Variants in CFAP410 observed in about 807,000 individuals in gnomAD.
CFAP410 encodes the protein cilia- and flagella-associated protein 410.
In CFAP410, 27 loss-of-function variants were observed where a neutral mutation model predicts 25.7. The ratio of observed to expected loss-of-function variants is 1.05; its 90% CI spans 0.77 to 1.45. CFAP410 has a LOEUF of 1.45. Ranked by LOEUF, CFAP410 falls within the 40% of genes most tolerant of loss-of-function variation. The pLI is 0.00. For missense variants in CFAP410, 428 were observed against 354.1 expected (o/e 1.21, Z -1.67); for synonymous variants, 178 against 158.4 (o/e 1.12, Z -0.93).
chr21:44,330,489 G>T, intron 6 of CFAP410, 163 bp from the exon 7 acceptor site: 1 of 1,541,230 alleles, frequency 6.5e-7, no homozygotes. Flanking sequence ...TCTGAGCAGA[G>T]GAGCCCCGCC....
At chr21:44,336,185 C>G (rs544170863) in intron 2 of CFAP410, among the ~76,000 whole-genome samples, 8 of 152,270 alleles carry the variant, frequency 5.3e-5, no homozygotes, top group Non-Finnish European at 8.8e-5. Context: ...ATGCCAGGTT[C>G]TCCTCTGACA....
At chr21:44,337,457 G>C (rs1316965189) in intron 2 of CFAP410, among the ~76,000 whole-genome samples, 192 bp downstream of exon 2, 1 of 152,232 alleles carries the variant, frequency 6.6e-6, no homozygotes, top group Non-Finnish European at 1.5e-5. Flanking sequence ...CCTGGCACTA[G>C]AGAATTGTTT....
intron 1 of CFAP410, chr21:44,338,383 T>C (rs1227039473): frequency 8.9e-7 from 1 of 1,127,536 alleles, no homozygotes; most frequent in Non-Finnish European, 1.2e-6. Flanking sequence ...AACTCCAGGC[T>C]CCCTCTTCTG....
At position 44,335,806 on chromosome 21, in the gene CFAP410, T is replaced by A; in HGVS notation, c.97-2A>T. On this transcript the variant is annotated splice_acceptor_variant, in intron 2 of 6. Coordinates refer to ENST00000339818, the MANE Select transcript of CFAP410 (RefSeq NM_004928.3). LOFTEE classifies it high-confidence loss of function. ...GGGCATCTCCTGGCAAATGGAGATC[T>A]AGGAGGAAAAGAACATGACTAGCAA... is the stretch of plus-strand genomic sequence containing the variant. 1.3e-6 allele frequency: 2 copies of A among 1,586,504 alleles called. No homozygotes were observed. The highest frequency in any genetic ancestry group is 1.7e-6 in the Non-Finnish European group (2 of 1,164,812).
intron 3 of CFAP410, chr21:44,334,484 G>C (rs190010259): frequency 9.1e-6 from 2 of 219,544 alleles, no homozygotes; most frequent in East Asian, 1.0e-4. Context: ...GCAGGCACGC[G>C]CACCCCCCCT....
At chr21:44,330,715 C>T in intron 6 of CFAP410, 108 bp downstream of exon 6, 3 of 1,549,318 alleles carry the variant, frequency 1.9e-6, no homozygotes, top group South Asian at 1.2e-5. Flanking sequence ...AGGCTCCATG[C>T]TCCCTCCCCA....
intron 3 of CFAP410, 94 bp from the exon 4 acceptor site, chr21:44,333,356 C>G (rs995480793): frequency 2.9e-5 from 27 of 937,966 alleles, no homozygotes; most frequent in Non-Finnish European, 4.3e-5. Context: ...ACTCATGGGA[C>G]CTGTGTCCCT....
At chr21:44,331,523 C>T in intron 5 of CFAP410, 1 of 381,778 alleles carries the variant, frequency 2.6e-6, no homozygotes, top group Non-Finnish European at 4.7e-6. Flanking sequence ...CTAGGCCACC[C>T]CCCCCACCAG....
chr21:44,334,324 A>T lies in CFAP410; in HGVS notation c.144-1062T>A, dbSNP rs764771819. On this transcript the variant is annotated intron_variant, in intron 3 of 6. Coordinates refer to ENST00000339818, the MANE Select transcript of CFAP410 (RefSeq NM_004928.3). ...GCCCCTGGGTGACTCAGTGAGCGGC[A>T]GGGATAGGGCTGGATCCACAGCCCC... is the stretch of plus-strand genomic sequence containing the variant. 1.1e-4 allele frequency: 48 copies of T among 454,948 alleles called. 1 individual carries two copies. The highest frequency in any genetic ancestry group is 6.4e-4 in the South Asian group (41 of 64,472). 28.2% of individuals were successfully genotyped at this position (454,948 alleles called of 1,614,324 possible). A position where few individuals can be genotyped will look rare whatever the true frequency, so the allele number is the denominator to read the frequency against.
intron 3 of CFAP410, chr21:44,334,016 C>T (rs2047701546): frequency 2.3e-6 from 1 of 433,032 alleles, no homozygotes; most frequent in South Asian, 1.6e-5. Context: ...CTCGGGGTTT[C>T]CCAGGTCTCA....
chr21:44,332,028 G>T lies in CFAP410; in HGVS notation c.374-14C>A, dbSNP rs1163964548. The stretch of plus-strand genomic sequence containing the variant: ...CCTCCGTCACAGCTTTGGGATGAAA[G>T]ACAGAAGACAGCATGAGTGGCCTCA... On this transcript the variant is annotated splice_polypyrimidine_tract_variant and intron_variant, in intron 4 of 6. Transcript: ENST00000339818. 6.3e-7 allele frequency: 1 copy of T among 1,585,748 alleles called. No homozygotes were observed. Among genetic ancestry groups the T allele is most frequent in the African/African-American group, 1.4e-5 (1 of 73,808 alleles).
At chr21:44,332,960 G>T (rs2047678766) in intron 4 of CFAP410, 73 bp downstream of exon 4, 1 of 1,032,252 alleles carries the variant, frequency 9.7e-7, no homozygotes, top group African/African-American at 1.6e-5. Flanking sequence ...AAGGAGAAGA[G>T]AAAAGAGGGC....
Position 44,339,151 on chromosome 21 carries a change from G to T in CFAP410, c.44C>A (p.Ser15Ter). The T allele has an allele frequency of 6.8e-7, 1 of 1,472,352 alleles. No individual in the cohort carries two copies. The highest frequency in any genetic ancestry group is 9.0e-7 in the Non-Finnish European group (1 of 1,108,336). 91.2% of individuals were successfully genotyped at this position (1,472,352 alleles called of 1,614,324 possible). ...RKMVLTRAKASELHSVRKLNC... is the reference protein window; with the variant it reads ...RKMVLTRAKA ...GAGCTTGCGCACGCTGTGCAGCTCC[G>T]AGGCCTTGGCCCGGGTCAGAACCAT... Residue 15 changes from serine (S) to a stop codon, truncating the protein, a stop_gained, in exon 1 of 7, where the codon TCG becomes TAG. Transcript: ENST00000339818. LOFTEE classifies it high-confidence loss of function.
Position 44,339,273 on chromosome 21 carries a change from CCAGGGGCGGGGCCCGCGTCGT to C in CFAP410, c.-100_-80del. On this transcript the variant is annotated 5_prime_UTR_variant, in exon 1 of 7. Coordinates refer to ENST00000339818, the MANE Select transcript of CFAP410 (RefSeq NM_004928.3). ...GGTGACGACTGCGCGGCGCGTGTCT[CCAGGGGCGGGGCCCGCGTCGT>C]CAGGGGCGGATCCTGAGCCGATTGG... is the stretch of plus-strand genomic sequence containing the variant. 1 of 924,790 alleles carries C rather than the reference CCAGGGGCGGGGCCCGCGTCGT, an allele frequency of 1.1e-6. No homozygotes were observed. The highest frequency in any genetic ancestry group is 3.3e-5 in the East Asian group (1 of 29,958). The allele number at this position is 924,790 out of a possible 1,614,324, so 57.3% of individuals were successfully genotyped here.
chr21:44,334,520 C>A, intron 3 of CFAP410: 1 of 173,326 alleles, frequency 5.8e-6, no homozygotes, highest in South Asian at 3.8e-5. Flanking sequence ...CACGCGCACC[C>A]CCCCCCCCCC....
intron 6 of CFAP410, chr21:44,330,614 G>C: frequency 2.6e-6 from 4 of 1,549,948 alleles, no homozygotes; most frequent in Non-Finnish European, 3.5e-6. Flanking sequence ...GGCCAGGACG[G>C]CTCCGTGCGG....
intron 3 of CFAP410, chr21:44,334,419 C>A: frequency 2.6e-6 from 1 of 383,302 alleles, no homozygotes; most frequent in Non-Finnish European, 5.3e-6. Flanking sequence ...CTTTCGGAGG[C>A]AGGCCTGAAA....
chr21:44,330,133 CT>C lies in CFAP410; in HGVS notation c.*64del. On this transcript the variant is annotated 3_prime_UTR_variant, in exon 7 of 7. Coordinates refer to ENST00000339818, the MANE Select transcript of CFAP410 (RefSeq NM_004928.3). ...TGCGGCCATGGCAGCCACCCTCCAG[CT>C]CCCGGGGGCTGGGGAAGACGCTGGG... The C allele has an allele frequency of 6.6e-7, 1 of 1,511,608 alleles. No individual in the cohort carries two copies. The highest frequency in any genetic ancestry group is 8.9e-7 in the Non-Finnish European group (1 of 1,129,226). The allele number at this position is 1,511,608 out of a possible 1,614,324, so 93.6% of individuals were successfully genotyped here.
Position 44,330,804 on chromosome 21 carries a change from C to A in CFAP410, c.642+19G>T, listed in dbSNP as rs775874474. ...CAGTGGGCAGAGGCAGCCGCGGCCC[C>A]TAGCGGCCCGCCACTCACCCTGCCC... On this transcript the variant is annotated intron_variant, in intron 6 of 6. Coordinates refer to ENST00000339818, the MANE Select transcript of CFAP410 (RefSeq NM_004928.3). 2 of 1,576,778 alleles carry A rather than the reference C, an allele frequency of 1.3e-6. No individual in the cohort carries two copies. The highest frequency in any genetic ancestry group is 1.7e-6 in the Non-Finnish European group (2 of 1,161,970).
Sources: allele counts gnomAD v4.1 joint callset (sites outside exome capture counted in the v4.1 genomes callset), GRCh38; gene constraint gnomAD v4.1.1; transcripts MANE v1.5; gene names NCBI Gene and HGNC (gene_info 2026-07-23, HGNC 2026-07-21).